Variants in ANKRD24 observed in about 807,000 individuals in gnomAD.
ANKRD24 encodes the protein ankyrin repeat domain-containing protein 24.
In ANKRD24, 109 loss-of-function variants were observed where a neutral mutation model predicts 127.8. The ratio of observed to expected loss-of-function variants is 0.85; its 90% CI spans 0.73 to 1.00. The LOEUF (loss-of-function observed/expected upper bound fraction) is 1.00. Ranked by LOEUF, ANKRD24 falls within the 50% of genes least tolerant of loss-of-function variation. ANKRD24 has a pLI of 0.00. For missense variants in ANKRD24, 1,648 were observed against 1,570.2 expected (o/e 1.05, Z -0.84); for synonymous variants, 743 against 671.1 (o/e 1.11, Z -1.66).
At position 4,198,411 on chromosome 19, in the gene ANKRD24, C is replaced by T. The variant is rs755932030; in HGVS notation, c.37-1272C>T. 3.1e-5 allele frequency: 15 copies of T among 480,292 alleles called. No individual in the cohort carries two copies. In the South Asian group the frequency reaches 4.8e-4, roughly 15 times the overall value. The allele number at this position is 480,292 out of a possible 1,614,324, so 29.8% of individuals were successfully genotyped here. ...AGCGCCCAGCCCCGCCCTCCGGCCGCTCCCCGCGGTCCCTCCAGACCCTCT... is the reference window on the plus strand; with the variant it reads ...AGCGCCCAGCCCCGCCCTCCGGCCGTTCCCCGCGGTCCCTCCAGACCCTCT... On this transcript the variant is annotated intron_variant, in intron 2 of 21. Coordinates refer to ENST00000318934, the MANE Select transcript of ANKRD24 (RefSeq NM_001393985.1). This position sits in a 1 kb window ranked among gnomAD's most constrained non-coding sequence, Gnocchi z 6.1.
chr19:4,189,926 G>A (rs1236645141), intron 2 of ANKRD24, among the ~76,000 whole-genome samples: 10 of 152,126 alleles, frequency 6.6e-5, no homozygotes, highest in Admixed American at 5.2e-4. Flanking sequence ...GCCTGGAGGT[G>A]GGAGGGGAGT....
At chr19:4,202,957 G>A (rs554658401) in intron 7 of ANKRD24, 31 bp downstream of exon 7, 70 of 1,530,498 alleles carry the variant, frequency 4.6e-5, no homozygotes, top group East Asian at 1.2e-4. Flanking sequence ...CCCTGACCCC[G>A]AAGCCCAGAG....
At chr19:4,183,394 C>G (rs1967853113) in intron 1 of ANKRD24, 1 of 963,292 alleles carries the variant, frequency 1.0e-6, no homozygotes, top group African/African-American at 1.8e-5. Context: ...TGTTGAGTAC[C>G]TACTTTGTAC....
At chr19:4,189,441 T>TG (rs1287644963) in intron 2 of ANKRD24, among the ~76,000 whole-genome samples, 2 of 151,312 alleles carry the variant, frequency 1.3e-5, no homozygotes, top group African/African-American at 4.9e-5. Context: ...TTAGTAGAGA[T>TG]GGGTTTCACC....
At chr19:4,206,204 C>T (rs1969377609) in intron 7 of ANKRD24, among the ~76,000 whole-genome samples, 1 of 143,268 alleles carries the variant, frequency 7.0e-6, no homozygotes, top group Non-Finnish European at 1.5e-5. Context: ...TACATAAACA[C>T]ATAAACGGGG....
At chr19:4,214,397 C>T (rs1599453082) in intron 15 of ANKRD24, among the ~76,000 whole-genome samples, 1 of 152,032 alleles carries the variant, frequency 6.6e-6, no homozygotes, top group Non-Finnish European at 1.5e-5. Flanking sequence ...GAACTCCTGG[C>T]CTCAAGTAAT....
intron 13 of ANKRD24, 88 bp from the exon 14 acceptor site, chr19:4,212,387 G>A: frequency 1.4e-6 from 2 of 1,444,568 alleles, no homozygotes; most frequent in Admixed American, 2.3e-5. Context: ...ATGCGTGAAT[G>A]TGCATGGAAT....
At chr19:4,211,734 A>T (rs1423047664) in intron 13 of ANKRD24, among the ~76,000 whole-genome samples, 2 of 152,178 alleles carry the variant, frequency 1.3e-5, no homozygotes, top group Non-Finnish European at 2.9e-5. Flanking sequence ...CAGGTGCTTA[A>T]TAAGTACATA....
chr19:4,203,057 T>TTC, intron 7 of ANKRD24, 131 bp downstream of exon 7: 1 of 800,600 alleles, frequency 1.2e-6, no homozygotes, highest in African/African-American at 1.8e-5. Flanking sequence ...TCTTTCTTTT[T>TTC]TTTTTTTTGA....
chr19:4,183,395 T>C (rs1967853310), intron 1 of ANKRD24: 1 of 962,658 alleles, frequency 1.0e-6, no homozygotes, highest in Non-Finnish European at 1.2e-6. Context: ...GTTGAGTACC[T>C]ACTTTGTACT....
rs1208191305 is a variant in ANKRD24, at chr19:4,215,996, A to T, written c.1216A>T (p.Ser406Cys). 6.3e-7 allele frequency: 1 copy of T among 1,598,594 alleles called. No homozygotes were observed. Among genetic ancestry groups the T allele is most frequent in the Non-Finnish European group, 8.5e-7 (1 of 1,173,478 alleles). Residue 406 changes from serine to cysteine, a missense_variant, in exon 16 of 22, where the codon AGC becomes TGC. Ser to Cys is a moderately radical substitution (Grantham distance 112). Transcript: ENST00000318934. ...CCCCCAGAACGAGCGGGAGAATACT[A>T]GCTATGACGTAACCACCCTGCAGGA... ...SLLENERENT[S>C]YDVTTLQDEE...
intron 19 of ANKRD24, 46 bp from the exon 20 acceptor site, chr19:4,222,624 C>T (rs778299133): frequency 6.5e-7 from 1 of 1,534,740 alleles, no homozygotes; most frequent in Admixed American, 1.9e-5. Flanking sequence ...TCCTCAGCCC[C>T]CAGCTCTGGG....
Position 4,195,296 on chromosome 19 carries a change from A to T in ANKRD24, c.37-4387A>T, listed in dbSNP as rs149941133. Reference sequence around the variant, plus strand: ...GCCACGTTGGTCAGGCTGGTCTCGAACTCCCCATCTCAGGTGATCTGCCTG... The same window carrying T: ...GCCACGTTGGTCAGGCTGGTCTCGATCTCCCCATCTCAGGTGATCTGCCTG... On this transcript the variant is annotated intron_variant, in intron 2 of 21. Coordinates refer to ENST00000318934, the MANE Select transcript of ANKRD24 (RefSeq NM_001393985.1). The surrounding 1 kb of genome is among the most constrained non-coding windows in gnomAD (Gnocchi z 4.2). 1.5e-4 allele frequency among the ~76,000 whole-genome samples: 22 copies of T among 148,518 alleles called. No individual in the cohort carries two copies. The highest frequency in any genetic ancestry group is 2.7e-4 in the African/African-American group (11 of 40,154).
chr19:4,207,635 A>G, intron 9 of ANKRD24, 28 bp downstream of exon 9: 1 of 1,609,230 alleles, frequency 6.2e-7, no homozygotes, highest in Non-Finnish European at 8.5e-7. Context: ...CAGCCAGTCC[A>G]CCCTATGCTG....
intron 20 of ANKRD24, 36 bp from the exon 21 acceptor site, chr19:4,224,091 C>T (rs201223610): frequency 7.5e-6 from 12 of 1,597,986 alleles, no homozygotes; most frequent in East Asian, 6.7e-5. Flanking sequence ...GGGAGGTGCT[C>T]CTGCTCTTCT....
At chr19:4,214,829 G>A (rs1454147716) in intron 15 of ANKRD24, among the ~76,000 whole-genome samples, 1 of 152,146 alleles carries the variant, frequency 6.6e-6, no homozygotes, top group Non-Finnish European at 1.5e-5. Flanking sequence ...ACTCCAGCCT[G>A]GGCGACAGAG....
intron 8 of ANKRD24, 76 bp downstream of exon 8, chr19:4,207,388 C>A: frequency 3.2e-6 from 5 of 1,577,942 alleles, no homozygotes; most frequent in Non-Finnish European, 2.6e-6. Context: ...ATCTCAGGCA[C>A]CCTTTGAAAG....
chr19:4,193,147 C>A (rs543862670), intron 2 of ANKRD24, among the ~76,000 whole-genome samples: 45 of 151,102 alleles, frequency 3.0e-4, no homozygotes, highest in Non-Finnish European at 5.3e-4. Flanking sequence ...CTAAAAAATA[C>A]AAAAATTAGC....
intron 15 of ANKRD24, among the ~76,000 whole-genome samples, chr19:4,213,214 C>T (rs57053677): frequency 0.48 from 72,822 of 150,338 alleles, 18,450 homozygotes; most frequent in Non-Finnish European, 0.57. Context: ...TCCTTTCTTC[C>T]CCTTCTCCTT....
Sources: gnomAD v4.1 joint callset for allele counts (sites outside exome capture counted in the v4.1 genomes callset) on GRCh38, gnomAD v4.1.1 for gene constraint, Gnocchi (gnomAD v3.1) non-coding constraint, MANE v1.5 for transcripts, NCBI Gene and HGNC (gene_info 2026-07-23, HGNC 2026-07-21) for gene names.